Variants in TTN observed in about 807,000 individuals in gnomAD.
TTN encodes titin.
TTN carries 1,525 observed loss-of-function variants against 3,223.0 expected under a neutral mutation model. That is an observed-to-expected ratio of 0.47 (90% CI 0.45 to 0.49). The LOEUF (loss-of-function observed/expected upper bound fraction) is 0.49. Among genes scored for constraint, TTN ranks in the 20% least tolerant of loss-of-function variants. TTN has a pLI of 0.00. For synonymous variants in TTN, 14,094 were observed against 15,161.0 expected (o/e 0.93, Z 5.17); for missense variants, 40,786 against 43,424.0 (o/e 0.94, Z 5.40).
chr2:178,733,046 T>A lies in TTN; in HGVS notation c.16130A>T (p.Asp5377Val). 1 of 1,613,368 alleles carries A rather than the reference T, an allele frequency of 6.2e-7. No individual in the cohort carries two copies. The highest frequency in any genetic ancestry group is 8.5e-7 in the Non-Finnish European group (1 of 1,179,618). The change falls in exon 55 of 363, where the codon GAC becomes GTC. Residue 5377 changes from aspartate (D) to valine (V), a missense_variant. Asp to Val is a radical substitution (Grantham distance 152). Coordinates refer to ENST00000589042, the MANE Select transcript of TTN (RefSeq NM_001267550.2). Reference protein sequence around the residue: ...DSVVNGTCRLDCKIAGSLPMR... With the variant: ...DSVVNGTCRLVCKIAGSLPMR... ...GGGGAGGGAGCCTGCAATTTTGCAG[T>A]CCAGTCTGCAGGTACCATTAACAAC... is the stretch of plus-strand genomic sequence containing the variant.
chr2:178,568,588 A>G lies in TTN; in HGVS notation c.77544T>C (p.Asp25848=), dbSNP rs368277201. ...LKQTTRINVT[D]SLDLTTLSIK... ...TACTGAGTGTGGTGAGATCCAGTGA[A>G]TCGGTAACATTGATTCTTGTGGTCT... is the stretch of plus-strand genomic sequence containing the variant. The change falls in exon 326 of 363, where the codon GAT becomes GAC. Residue 25848 remains aspartate (D), a synonymous_variant. Coordinates refer to ENST00000589042, the MANE Select transcript of TTN (RefSeq NM_001267550.2). 3 of 1,613,422 alleles carry G rather than the reference A, an allele frequency of 1.9e-6. No homozygotes were observed. The highest frequency in any genetic ancestry group is 2.2e-5 in the South Asian group (2 of 91,062).
intron 71 of TTN, 83 bp from the exon 72 acceptor site, chr2:178,724,621 C>A: frequency 7.2e-7 from 1 of 1,391,388 alleles, no homozygotes; most frequent in Non-Finnish European, 9.4e-7. Context: ...GATTGTTTCT[C>A]CCAGTGAGAT....
Position 178,675,019 on chromosome 2 carries a change from T to C in TTN, c.34612+20A>G. On this transcript the variant is annotated intron_variant, in intron 150 of 362. Transcript: ENST00000589042. ...GACAAGGATGACTTTGAAATGTTATTTTCTTAGAAAGTTATCTACCTTCAA... is the reference window on the plus strand; with the variant it reads ...GACAAGGATGACTTTGAAATGTTATCTTCTTAGAAAGTTATCTACCTTCAA... The C allele has an allele frequency of 6.9e-7, 1 of 1,452,886 alleles. No homozygotes were observed. The highest frequency in any genetic ancestry group is 1.8e-4 in the Middle Eastern group (1 of 5,654). The allele number at this position is 1,452,886 out of a possible 1,614,324, so 90.0% of individuals were successfully genotyped here. A position where few individuals can be genotyped will look rare whatever the true frequency, so the allele number is the denominator to read the frequency against.
chr2:178,776,649 G>A lies in TTN; in HGVS notation c.5215C>T (p.Leu1739Phe), dbSNP rs762699336. Residue 1739 changes from leucine (L) to phenylalanine (F), a missense_variant, in exon 28 of 363, where the codon CTC (leucine) becomes TTC (phenylalanine). Physicochemically the swap from Leu to Phe is conservative, Grantham distance 22. Coordinates refer to ENST00000589042, the MANE Select transcript of TTN (RefSeq NM_001267550.2). The stretch of plus-strand genomic sequence containing the variant: ...GCTTCAAGTGGCTTTCCATCATGGA[G>A]CCACTCCACCACCATCGTTGGGTCA... ...IGDPTMVVEW[L>F]HDGKPLEAAN... is the part of the protein sequence containing the mutation. 2 of 1,614,094 alleles carry A rather than the reference G, an allele frequency of 1.2e-6. No individual in the cohort carries two copies. Among genetic ancestry groups the A allele is most frequent in the South Asian group, 1.1e-5 (1 of 91,076 alleles).
chr2:178,681,641 T>C lies in TTN; in HGVS notation c.33172+20A>G. On this transcript the variant is annotated intron_variant, in intron 136 of 362. Transcript: ENST00000589042. ...GGAAACAAAGATCTCTTACAGGTAA[T>C]AATGTTTTTTTCACTCTACCTTTAG... 4 of 1,595,724 alleles carry C rather than the reference T, an allele frequency of 2.5e-6. No homozygotes were observed. Among genetic ancestry groups the C allele is most frequent in the Non-Finnish European group, 3.4e-6 (4 of 1,172,928 alleles).
In TTN at chr2:178,575,503, G is replaced by C. The variant is rs376809423; in HGVS notation, c.70629C>G (p.Asp23543Glu). 5 of 1,613,672 alleles carry C rather than the reference G, an allele frequency of 3.1e-6. No individual in the cohort carries two copies. Among genetic ancestry groups the C allele is most frequent in the Non-Finnish European group, 4.2e-6 (5 of 1,179,668 alleles). ...PSPPDSLNIM[D>E]ITKSTVSLAW... ...CCAGGCTGACGGTGCTCTTAGTTAT[G>C]TCCATGATGTTAAGGCTGTCTGGTG... The change falls in exon 326 of 363, where the codon GAC becomes GAG. Residue 23543 changes from aspartate (D) to glutamate (E), a missense_variant. Transcript: ENST00000589042. The surrounding 1 kb of genome is among the most constrained non-coding windows in gnomAD (Gnocchi z 4.0).
rs1167247967 is a variant in TTN at position 178,636,142 on chromosome 2, A to G, written c.41429T>C (p.Val13810Ala). Residue 13810 changes from valine to alanine, a missense_variant, in exon 226 of 363, where the codon GTG becomes GCG. By Grantham distance (64) the Val-to-Ala change is moderately conservative. Coordinates refer to ENST00000589042, the MANE Select transcript of TTN (RefSeq NM_001267550.2). This position sits in a 1 kb window ranked among gnomAD's most constrained non-coding sequence, Gnocchi z 4.3. ...LSCELNKERDVVWRKDGKIVV... is the reference protein window; with the variant it reads ...LSCELNKERDAVWRKDGKIVV... ...AATCTTGCCATCCTTCCTCCAGACC[A>G]CGTCACGCTCTTTGTTTAACTCGCA... 2 of 1,612,998 alleles carry G rather than the reference A, an allele frequency of 1.2e-6. No individual in the cohort carries two copies. Among genetic ancestry groups the G allele is most frequent in the Non-Finnish European group, 1.7e-6 (2 of 1,179,454 alleles).
At position 178,678,781 on chromosome 2, in the gene TTN, T is replaced by C. The variant is rs1306394870; in HGVS notation, c.33792A>G (p.Pro11264=). ...KPVPEEKVPV[P]VPKKVEAPPA... ...GTGGAGCTTCCACCTTTTTAGGAAC[T>C]GGTACTGGTACTTTCTCCTCTGGCA... Residue 11264 remains proline, a synonymous_variant, in exon 143 of 363, where the codon CCA becomes CCG. Transcript: ENST00000589042. The C allele has an allele frequency of 7.5e-6, 12 of 1,604,356 alleles. No individual in the cohort carries two copies. The highest frequency in any genetic ancestry group is 1.3e-5 in the African/African-American group (1 of 74,142).
At chr2:178,789,590 G>C in intron 12 of TTN, 93 bp from the exon 13 acceptor site, 1 of 1,476,572 alleles carries the variant, frequency 6.8e-7, no homozygotes, top group Non-Finnish European at 9.3e-7. Flanking sequence ...GATGCAAGAT[G>C]GTTATTCAGG....
chr2:178,616,028 T>C (rs1396549288), intron 257 of TTN, among the ~76,000 whole-genome samples: 1 of 151,974 alleles, frequency 6.6e-6, no homozygotes, highest in East Asian at 1.9e-4. Context: ...GAGGTGTTGA[T>C]TCTACCAGTT....
chr2:178,531,905 T>C lies in TTN; in HGVS notation c.104710A>G (p.Arg34904Gly). 6.2e-7 allele frequency: 1 copy of C among 1,612,774 alleles called. No individual in the cohort carries two copies. The highest frequency in any genetic ancestry group is 8.5e-7 in the Non-Finnish European group (1 of 1,179,234). The change falls in exon 358 of 363, where the codon AGA (arginine) becomes GGA (glycine). Residue 34904 changes from arginine (R) to glycine (G), a missense_variant. Coordinates refer to ENST00000589042, the MANE Select transcript of TTN (RefSeq NM_001267550.2). ...TCATACCTGGAAAAGATATCAAATC[T>C]TGCAGACCTCTCAAATCTCGAGAGT... is the stretch of plus-strand genomic sequence containing the variant. ...RSLSRFERSA[R>G]FDIFSRYESM...
At chr2:178,723,740 G>C in intron 73 of TTN, 44 bp from the exon 74 acceptor site, 1 of 1,529,770 alleles carries the variant, frequency 6.5e-7, no homozygotes, top group East Asian at 2.3e-5. Flanking sequence ...GTAAGCTTCA[G>C]ATGGAGTTGC....
chr2:178,669,723 G>C, intron 157 of TTN, 48 bp from the exon 158 acceptor site: 1 of 1,586,180 alleles, frequency 6.3e-7, no homozygotes, highest in Non-Finnish European at 8.6e-7. Context: ...TTATAGTTGG[G>C]TGTAAACATA....
In TTN at chr2:178,577,024, A is replaced by C; in HGVS notation, c.69311T>G (p.Leu23104Arg). Reference protein sequence around the residue: ...IQSCRHVATKLIQGNEYIFRV... With the variant: ...IQSCRHVATKRIQGNEYIFRV... ...GAAGATGTACTCATTTCCTTGGATA[A>C]GTTTGGTTGCCACATGCCTGCAAGA... is the stretch of plus-strand genomic sequence containing the variant. Residue 23104 changes from leucine to arginine, a missense_variant, in exon 324 of 363, where the codon CTT becomes CGT. Coordinates refer to ENST00000589042, the MANE Select transcript of TTN (RefSeq NM_001267550.2). 2 of 1,613,400 alleles carry C rather than the reference A, an allele frequency of 1.2e-6. No homozygotes were observed.
chr2:178,619,842 G>T lies in TTN; in HGVS notation c.46475C>A (p.Ala15492Asp). 1 of 1,611,900 alleles carries T rather than the reference G, an allele frequency of 6.2e-7. No individual in the cohort carries two copies. Among genetic ancestry groups the T allele is most frequent in the Non-Finnish European group, 8.5e-7 (1 of 1,178,860 alleles). Reference protein sequence around the residue: ...IIRPPQDILEAPGADVVFLAE... With the variant: ...IIRPPQDILEDPGADVVFLAE... ...TAAAAAGACAACATCAGCACCAGGG[G>T]CTTCAAGAATATCTTGTGGAGGCCT... is the stretch of plus-strand genomic sequence containing the variant. The change falls in exon 250 of 363, where the codon GCC (alanine) becomes GAC (aspartate). Residue 15492 changes from alanine (A) to aspartate (D), a missense_variant. Physicochemically the swap from Ala to Asp is moderately radical, Grantham distance 126 (BLOSUM62 -2). Coordinates refer to ENST00000589042, the MANE Select transcript of TTN (RefSeq NM_001267550.2).
In TTN at chr2:178,532,442, C is replaced by T. The variant is rs2857268; in HGVS notation, c.104173G>A (p.Asp34725Asn). The change falls in exon 358 of 363, where the codon GAC becomes AAC. Residue 34725 changes from aspartate to asparagine, a missense_variant. Coordinates refer to ENST00000589042, the MANE Select transcript of TTN (RefSeq NM_001267550.2). Reference protein sequence around the residue: ...AHVKVEETRKDFRYSTYHIPT... With the variant: ...AHVKVEETRKNFRYSTYHIPT... ...ATGTGATAGGTTGAATACCTGAAGT[C>T]TTTTCTTGTTTCCTCCACCTTGACA... 6.2e-7 allele frequency: 1 copy of T among 1,613,986 alleles called. No individual in the cohort carries two copies.
intron 224 of TTN, among the ~76,000 whole-genome samples, 186 bp downstream of exon 224, chr2:178,637,183 A>ATATATATC (rs2154233001): frequency 7.6e-6 from 1 of 131,176 alleles, no homozygotes; most frequent in South Asian, 2.4e-4. Flanking sequence ...ATATATATAT[A>ATATATATC]TATATATCTC....
chr2:178,698,299 T>C (rs1308598192), intron 112 of TTN, among the ~76,000 whole-genome samples: 3 of 152,200 alleles, frequency 2.0e-5, no homozygotes, highest in Non-Finnish European at 4.4e-5. Context: ...TGGCTTTTCT[T>C]GAGATCTGTT....
chr2:178,685,192 T>C, intron 129 of TTN, 61 bp downstream of exon 129: 1 of 1,386,514 alleles, frequency 7.2e-7, no homozygotes, highest in Admixed American at 2.4e-5. Flanking sequence ...TATGCAAATG[T>C]GAAGGTATTA....
Sources: gnomAD v4.1 joint callset for allele counts (sites outside exome capture counted in the v4.1 genomes callset) on GRCh38, gnomAD v4.1.1 for gene constraint, Gnocchi (gnomAD v3.1) non-coding constraint, MANE v1.5 for transcripts, NCBI Gene and HGNC (gene_info 2026-07-23, HGNC 2026-07-21) for gene names.